The following FRMPD1 variants were observed in gnomAD, a reference collection of about 807,000 sequenced individuals.
FRMPD1 encodes FERM and PDZ domain-containing protein 1.
FRMPD1 carries 76 observed loss-of-function variants against 117.8 expected under a neutral mutation model. The ratio of observed to expected loss-of-function variants is 0.65; its 90% confidence interval spans 0.54 to 0.78. FRMPD1 has a LOEUF of 0.78. Ranked by LOEUF, FRMPD1 falls within the 30% of genes least tolerant of loss-of-function variation. The pLI, the probability that FRMPD1 is intolerant of heterozygous loss-of-function variation, is 0.00. For missense variants in FRMPD1, 1,786 were observed against 1,964.5 expected, an observed-to-expected ratio of 0.91 and a Z score of 1.72; for synonymous variants, 783 against 770.4, an observed-to-expected ratio of 1.02 and a Z score of -0.27.
chr9:37,695,309 G>T (rs1822281905), intron 2 of FRMPD1, among the ~76,000 whole-genome samples: 1 of 152,106 alleles, frequency 6.6e-6, no homozygotes, highest in Admixed American at 6.6e-5. Context: ...CTACATCTTT[G>T]CCAACACTTG....
intron 3 of FRMPD1, among the ~76,000 whole-genome samples, chr9:37,707,995 G>A (rs1021629635): frequency 1.3e-5 from 2 of 152,240 alleles, no homozygotes; most frequent in Admixed American, 6.5e-5. Context: ...GAGAGGAGCA[G>A]GTGGGGAAAG....
the FRMPD1 span, among the ~76,000 whole-genome samples, chr9:37,620,111 C>T: frequency 6.6e-6 from 1 of 152,052 alleles, no homozygotes; most frequent in East Asian, 1.9e-4. Flanking sequence ...AGTCCAATGC[C>T]CACTTAAGTC....
At chr9:37,710,041 G>T (rs1043873413) in intron 4 of FRMPD1, among the ~76,000 whole-genome samples, 1 of 152,168 alleles carries the variant, frequency 6.6e-6, no homozygotes, top group Non-Finnish European at 1.5e-5. Flanking sequence ...GTATTATTCA[G>T]TGTCACGTGT....
intron 5 of FRMPD1, 89 bp from the exon 6 acceptor site, chr9:37,718,980 A>G: frequency 1.3e-6 from 1 of 769,896 alleles, no homozygotes. Context: ...ACAGCTATCA[A>G]AGTTTCTGTT....
chr9:37,606,774 G>A, the FRMPD1 span, among the ~76,000 whole-genome samples: 1 of 152,164 alleles, frequency 6.6e-6, no homozygotes, highest in Non-Finnish European at 1.5e-5. Context: ...AGAATGATCA[G>A]TTCCTGGATT....
At chr9:37,629,563 A>G in the FRMPD1 span, among the ~76,000 whole-genome samples, 1 of 152,244 alleles carries the variant, frequency 6.6e-6, no homozygotes, top group Non-Finnish European at 1.5e-5. Flanking sequence ...GCCACCCGCC[A>G]ACATCATTTT....
chr9:37,606,147 T>A, the FRMPD1 span, among the ~76,000 whole-genome samples: 1 of 152,172 alleles, frequency 6.6e-6, no homozygotes, highest in African/African-American at 2.4e-5. Flanking sequence ...AGACAGAATC[T>A]GCAACAGGAC....
the FRMPD1 span, among the ~76,000 whole-genome samples, chr9:37,624,416 A>G: frequency 1.1e-4 from 17 of 152,234 alleles, no homozygotes; most frequent in African/African-American, 3.9e-4. Context: ...ATGGAGACTA[A>G]CCAACATATA....
chr9:37,665,529 AATAG>A (rs946734175), intron 1 of FRMPD1, among the ~76,000 whole-genome samples: 6 of 152,128 alleles, frequency 3.9e-5, no homozygotes, highest in African/African-American at 1.4e-4. Flanking sequence ...GGGGGAAGGA[AATAG>A]ATTGATTTTT....
intron 5 of FRMPD1, among the ~76,000 whole-genome samples, chr9:37,718,341 G>T (rs1823240850): frequency 6.6e-6 from 1 of 152,230 alleles, no homozygotes; most frequent in Non-Finnish European, 1.5e-5. Flanking sequence ...CACACCAAGG[G>T]AACATAGGCT....
At chr9:37,725,772 G>T (rs976246136) in intron 7 of FRMPD1, among the ~76,000 whole-genome samples, 4 of 152,228 alleles carry the variant, frequency 2.6e-5, no homozygotes, top group African/African-American at 9.6e-5. Context: ...CTTTGCAGAA[G>T]AGAAAACAGG....
chr9:37,681,433 G>T (rs959253426), intron 1 of FRMPD1, among the ~76,000 whole-genome samples: 2 of 152,064 alleles, frequency 1.3e-5, no homozygotes, highest in African/African-American at 4.8e-5. Flanking sequence ...TAATCATGTG[G>T]TCTAATAGAT....
At chr9:37,724,099 T>A in intron 6 of FRMPD1, 126 bp from the exon 7 acceptor site, 124 of 441,908 alleles carry the variant, frequency 2.8e-4, no homozygotes, top group East Asian at 4.3e-4. Flanking sequence ...CGCTTGAACC[T>A]GGGAGTCAGA....
chr9:37,733,920 C>T (rs1824008267), intron 12 of FRMPD1, 95 bp downstream of exon 12: 1 of 770,226 alleles, frequency 1.3e-6, no homozygotes. Context: ...TTCCTGAGGA[C>T]TCTGTCATGT....
chr9:37,684,595 A>G (rs1244277833), intron 1 of FRMPD1, among the ~76,000 whole-genome samples: 1 of 152,164 alleles, frequency 6.6e-6, no homozygotes. Flanking sequence ...GCTGGGGGTT[A>G]TTGTAGCACG....
Position 37,745,505 on chromosome 9 carries a change from TA to T in FRMPD1, c.3475del (p.Thr1159ProfsTer5). ...ATTAGCTCTCCAGCTGGTAAAATAG[TA>T]ACCTCCCTTTCTTTAGATGCTCCTG... ...LDISSPAGKI[V>X]TSLSLDAPVT... On this transcript the variant is annotated frameshift_variant, in exon 16 of 16. Coordinates refer to ENST00000377765, the MANE Select transcript of FRMPD1 (RefSeq NM_014907.3). LOFTEE classifies it high-confidence loss of function. 1 of 1,614,070 alleles carries T rather than the reference TA, an allele frequency of 6.2e-7. No individual in the cohort carries two copies. Among genetic ancestry groups the T allele is most frequent in the Non-Finnish European group, 8.5e-7 (1 of 1,179,996 alleles).
At chr9:37,637,967 T>TTGCTTG in the FRMPD1 span, among the ~76,000 whole-genome samples, 665 of 55,520 alleles carry the variant, frequency 0.012, 102 homozygotes, top group Non-Finnish European at 0.016. Flanking sequence ...GTGTATGCTT[T>TTGCTTG]CTTTCTTTCT....
chr9:37,627,698 T>C, the FRMPD1 span, among the ~76,000 whole-genome samples: 3 of 152,238 alleles, frequency 2.0e-5, no homozygotes, highest in African/African-American at 7.2e-5. Flanking sequence ...ATACTTTTCA[T>C]TTTAAACAGC....
Sources: allele counts gnomAD v4.1 joint callset (sites outside exome capture counted in the v4.1 genomes callset), GRCh38; gene constraint gnomAD v4.1.1; transcripts MANE v1.5; gene names NCBI Gene and HGNC (gene_info 2026-07-23, HGNC 2026-07-21).